Variants in MYO5A observed in about 807,000 individuals in gnomAD.
The protein encoded by MYO5A is myosin VA.
In MYO5A, 98 loss-of-function variants were observed where a neutral mutation model predicts 249.7. The observed-to-expected ratio is 0.39, with a 90% CI of 0.33 to 0.46. MYO5A has a LOEUF of 0.46. MYO5A is among the 20% of genes least tolerant of loss of function. The pLI is 0.98. For missense variants in MYO5A, 1,696 were observed against 2,308.8 expected (o/e 0.73, Z 5.44); for synonymous variants, 778 against 810.6 (o/e 0.96, Z 0.68).
At chr15:52,388,609 A>G (rs1595576164) in intron 13 of MYO5A, among the ~76,000 whole-genome samples, 1 of 152,332 alleles carries the variant, frequency 6.6e-6, no homozygotes, top group African/African-American at 2.4e-5. Context: ...CCTACATCAC[A>G]GTCTCCTTGA....
At chr15:52,339,404 T>G (rs1326811413) in intron 32 of MYO5A, among the ~76,000 whole-genome samples, 1 of 151,986 alleles carries the variant, frequency 6.6e-6, no homozygotes, top group Non-Finnish European at 1.5e-5. Flanking sequence ...TATAGAAATA[T>G]GAAATTATCA....
chr15:52,475,035 T>A (rs1034635334), intron 1 of MYO5A, among the ~76,000 whole-genome samples: 1 of 152,240 alleles, frequency 6.6e-6, no homozygotes, highest in Non-Finnish European at 1.5e-5. Flanking sequence ...TTTTGGTTGG[T>A]AGGCTATTAA....
In MYO5A at chr15:52,321,489, T is replaced by C. The variant is rs1022260664; in HGVS notation, c.4821A>G (p.Thr1607=). 4 of 1,614,082 alleles carry C rather than the reference T, an allele frequency of 2.5e-6. No homozygotes were observed. The highest frequency in any genetic ancestry group is 3.4e-6 in the Non-Finnish European group (4 of 1,180,034). ...TGAGGCAGTGTTCATTCTGGCGAGATGTGTTGTGCTTCATAAAGCCCTAGA... is the reference window on the plus strand; with the variant it reads ...TGAGGCAGTGTTCATTCTGGCGAGACGTGTTGTGCTTCATAAAGCCCTAGA... ...SGEEGFMKHN[T]SRQNEHCLTN... is the part of the protein sequence containing the mutation. Residue 1607 remains threonine, a synonymous_variant, in exon 38 of 42, where the codon ACA becomes ACG. Transcript: ENST00000399233.
At position 52,383,200 on chromosome 15, in the gene MYO5A, A is replaced by T. The variant is rs768845142; in HGVS notation, c.1915-12T>A. 4.6e-5 allele frequency: 72 copies of T among 1,582,284 alleles called. 3 individuals are homozygous for T. The South Asian group carries it at 7.9e-4, about 17-fold the overall frequency. The stretch of plus-strand genomic sequence containing the variant: ...AGGGAGTTTCTGAACTGCATGAAAA[A>T]GGGCAGAAGAGGGTATCAAGGCTTT... On this transcript the variant is annotated splice_polypyrimidine_tract_variant and intron_variant, in intron 15 of 41. Coordinates refer to ENST00000399233, the MANE Select transcript of MYO5A (RefSeq NM_001382347.1).
At chr15:52,450,721 G>A (rs950465363) in intron 1 of MYO5A, among the ~76,000 whole-genome samples, 75 of 151,128 alleles carry the variant, frequency 5.0e-4, no homozygotes, top group Non-Finnish European at 4.7e-4. Context: ...CAGGCTGGTC[G>A]TGAACTCCTT....
chr15:52,398,983 C>T (rs1226497083), intron 9 of MYO5A, among the ~76,000 whole-genome samples: 3 of 145,360 alleles, frequency 2.1e-5, no homozygotes, highest in Non-Finnish European at 3.0e-5. Context: ...AGCGAGACTC[C>T]GTCTCAAAAA....
chr15:52,517,920 A>G (rs1453244386), intron 1 of MYO5A, among the ~76,000 whole-genome samples: 1 of 152,138 alleles, frequency 6.6e-6, no homozygotes, highest in Non-Finnish European at 1.5e-5. Flanking sequence ...TATGTTCTGT[A>G]TTATTCAAAT....
At chr15:52,506,009 T>G in intron 1 of MYO5A, 1 of 680,002 alleles carries the variant, frequency 1.5e-6, no homozygotes, top group Non-Finnish European at 2.4e-6. Context: ...AGGTCAGGAG[T>G]TCGAGACCAG....
chr15:52,367,166 G>A (rs2040853816), intron 22 of MYO5A, 42 bp from the exon 23 acceptor site: 1 of 1,522,484 alleles, frequency 6.6e-7, no homozygotes, highest in Non-Finnish European at 9.1e-7. Flanking sequence ...GCAATGGACA[G>A]AGGAAGCCTG....
intron 1 of MYO5A, among the ~76,000 whole-genome samples, chr15:52,465,423 T>TA (rs1348033575): frequency 6.6e-6 from 1 of 151,900 alleles, no homozygotes; most frequent in Non-Finnish European, 1.5e-5. Flanking sequence ...TTCAGAAAAA[T>TA]AAAAAACTTC....
intron 1 of MYO5A, among the ~76,000 whole-genome samples, chr15:52,447,204 G>A (rs868187065): frequency 2.6e-5 from 4 of 152,058 alleles, no homozygotes; most frequent in South Asian, 2.1e-4. Context: ...TCATGGGGGC[G>A]GCTCCCTCAT....
At chr15:52,321,530 T>C in intron 37 of MYO5A, 21 bp from the exon 38 acceptor site, 1 of 1,613,398 alleles carries the variant, frequency 6.2e-7, no homozygotes, top group Non-Finnish European at 8.5e-7. Context: ...AAGGCAAAGT[T>C]AATGATACAC....
intron 10 of MYO5A, 121 bp downstream of exon 10, chr15:52,397,080 C>G (rs1305768871): frequency 8.1e-7 from 1 of 1,230,414 alleles, no homozygotes; most frequent in Non-Finnish European, 1.2e-6. Context: ...CTTGAATTGT[C>G]ATAGGCAAAG....
At position 52,476,036 on chromosome 15, in the gene MYO5A, T is replaced by C. The variant is rs577570056; in HGVS notation, c.28-42751A>G. On this transcript the variant is annotated intron_variant, in intron 1 of 41. Transcript: ENST00000399233. ...TTGTGTGGGAGTCTAAGTCTCTTTG[T>C]AGGTCTCTAAGGACTTGCTTTTTGA... Among the ~76,000 whole-genome samples, 23 of 152,336 alleles carry C rather than the reference T, an allele frequency of 1.5e-4. No homozygotes were observed. The South Asian group carries it at 3.9e-3, about 26-fold the overall frequency.
At chr15:52,460,018 C>T (rs1302888934) in intron 1 of MYO5A, among the ~76,000 whole-genome samples, 2 of 151,244 alleles carry the variant, frequency 1.3e-5, no homozygotes, top group Non-Finnish European at 2.9e-5. Flanking sequence ...GGGGTCGCGG[C>T]CGGGCAGAGG....
At chr15:52,399,769 C>T (rs926955885) in intron 9 of MYO5A, among the ~76,000 whole-genome samples, 4 of 152,146 alleles carry the variant, frequency 2.6e-5, no homozygotes, top group South Asian at 2.1e-4. Flanking sequence ...GAATCCATCA[C>T]TTAGGTAGTG....
chr15:52,377,818 G>T (rs1454109570), intron 18 of MYO5A, among the ~76,000 whole-genome samples: 1 of 152,034 alleles, frequency 6.6e-6, no homozygotes, highest in Non-Finnish European at 1.5e-5. Flanking sequence ...CAGTCCGCCC[G>T]CCACGGCCTC....
chr15:52,477,889 T>C (rs1359188449), intron 1 of MYO5A, among the ~76,000 whole-genome samples: 1 of 152,208 alleles, frequency 6.6e-6, no homozygotes, highest in Non-Finnish European at 1.5e-5. Flanking sequence ...AGTCTGTCTG[T>C]TCTCAGATCT....
chr15:52,425,822 C>T lies in MYO5A; in HGVS notation c.455+8G>A, dbSNP rs2075383153. 1 of 1,613,740 alleles carries T rather than the reference C, an allele frequency of 6.2e-7. No homozygotes were observed. Among genetic ancestry groups the T allele is most frequent in the Non-Finnish European group, 8.5e-7 (1 of 1,179,856 alleles). The stretch of plus-strand genomic sequence containing the variant: ...TGCCATAAAATAACAATGAAAGCTT[C>T]TACCAACCTGGCCATTTGCTTGTAA... On this transcript the variant is annotated splice_region_variant and intron_variant, in intron 4 of 41. Transcript: ENST00000399233.
Sources: allele counts gnomAD v4.1 joint callset (sites outside exome capture counted in the v4.1 genomes callset), GRCh38; gene constraint gnomAD v4.1.1; transcripts MANE v1.5; gene names NCBI Gene and HGNC (gene_info 2026-07-23, HGNC 2026-07-21).